Variants in TRIM38 observed in about 807,000 individuals in gnomAD.
TRIM38 encodes the protein E3 ubiquitin-protein ligase TRIM38.
TRIM38 carries 35 observed loss-of-function variants against 35.8 expected under a neutral mutation model. That is an observed-to-expected ratio of 0.98 (90% CI 0.75 to 1.30). The LOEUF (loss-of-function observed/expected upper bound fraction) is 1.30. Ranked by LOEUF, TRIM38 falls within the 50% of genes most tolerant of loss-of-function variation. The pLI, the probability that TRIM38 is intolerant of heterozygous loss-of-function variation, is 0.00. For missense variants in TRIM38, 545 were observed against 556.9 expected, an observed-to-expected ratio of 0.98 and a Z score of 0.21; for synonymous variants, 198 against 204.7, an observed-to-expected ratio of 0.97 and a Z score of 0.28.
At chr6:25,981,969 T>C (rs769405665) in intron 7 of TRIM38, among the ~76,000 whole-genome samples, 1 of 152,158 alleles carries the variant, frequency 6.6e-6, no homozygotes. Flanking sequence ...TATTACTACA[T>C]GTTGTTAGAA....
chr6:25,975,871 A>G (rs56294283), intron 7 of TRIM38, among the ~76,000 whole-genome samples: 14,850 of 152,272 alleles, frequency 0.098, 773 homozygotes, highest in African/African-American at 0.13. Context: ...ATAACTTTCT[A>G]GTCCATGCAT....
intron 3 of TRIM38, 66 bp downstream of exon 3, chr6:25,966,999 T>A (rs1760081010): frequency 1.4e-6 from 2 of 1,468,130 alleles, no homozygotes. Context: ...GGAGCTGAGA[T>A]GATTTAACTT....
chr6:25,966,434 C>G lies in TRIM38; in HGVS notation c.-89C>G. The stretch of plus-strand genomic sequence containing the variant: ...GCAGCCAGCTCATCACATAGAGGTG[C>G]AGGTGAGGTGTATTTTCATCACGGT... On this transcript the variant is annotated 5_prime_UTR_variant, in exon 3 of 8. Transcript: ENST00000357085. 7.4e-6 allele frequency: 10 copies of G among 1,354,576 alleles called. No individual in the cohort carries two copies. The highest frequency in any genetic ancestry group is 9.9e-6 in the Non-Finnish European group (10 of 1,012,498). The allele number at this position is 1,354,576 out of a possible 1,614,324, so 83.9% of individuals were successfully genotyped here.
At chr6:25,978,334 A>G (rs1428544153) in intron 7 of TRIM38, among the ~76,000 whole-genome samples, 1 of 151,122 alleles carries the variant, frequency 6.6e-6, no homozygotes, top group Non-Finnish European at 1.5e-5. Context: ...GCATCTCTAT[A>G]TGCTATAGAT....
In TRIM38 at chr6:25,975,085, T is replaced by G. The variant is rs969013383; in HGVS notation, c.874+1800T>G. 2,413 of 927,126 alleles carry G rather than the reference T, an allele frequency of 2.6e-3. 5 individuals are homozygous for G. The highest frequency in any genetic ancestry group is 2.9e-3 in the Non-Finnish European group (2,287 of 777,376). The allele number at this position is 927,126 out of a possible 1,614,324, so 57.4% of individuals were successfully genotyped here. A position where few individuals can be genotyped will look rare whatever the true frequency, so the allele number is the denominator to read the frequency against. The stretch of plus-strand genomic sequence containing the variant: ...TCTCGCTCTGTCGCCCAGGCTGGAG[T>G]GCAGTGGTGCGATCTCGGCTCACTG... On this transcript the variant is annotated intron_variant, in intron 7 of 7. Coordinates refer to ENST00000357085, the MANE Select transcript of TRIM38 (RefSeq NM_006355.5).
intron 4 of TRIM38, 148 bp from the exon 5 acceptor site, chr6:25,971,720 GC>G: frequency 1.5e-6 from 1 of 656,576 alleles, no homozygotes; most frequent in South Asian, 2.0e-5. Context: ...TACAATATTT[GC>G]CCTTTTGTTT....
chr6:25,980,077 CAGTT>C (rs1005743764), intron 7 of TRIM38, among the ~76,000 whole-genome samples: 5 of 152,138 alleles, frequency 3.3e-5, no homozygotes, highest in Admixed American at 6.6e-5. Flanking sequence ...AGTATTTACT[CAGTT>C]AGTGCATGTT....
Position 25,965,868 on chromosome 6 carries a change from C to T in TRIM38, c.-188-467C>T, listed in dbSNP as rs1441379507. Reference sequence around the variant, plus strand: ...CCCGGGAGGCGGAGGTGCAGTGAGCCGAGATAGCGTCACTGCACTCCAGCC... The same window carrying T: ...CCCGGGAGGCGGAGGTGCAGTGAGCTGAGATAGCGTCACTGCACTCCAGCC... On this transcript the variant is annotated intron_variant, in intron 2 of 7. Transcript: ENST00000357085. Among the ~76,000 whole-genome samples the T allele has an allele frequency of 4.6e-5, 7 of 150,692 alleles. No individual in the cohort carries two copies. The East Asian group carries it at 5.9e-4, about 13-fold the overall frequency.
At chr6:25,977,597 G>T (rs955563079) in intron 7 of TRIM38, among the ~76,000 whole-genome samples, 3 of 151,824 alleles carry the variant, frequency 2.0e-5, no homozygotes, top group African/African-American at 7.3e-5. Flanking sequence ...AACCCAGAAG[G>T]CAGAGGTTGC....
intron 7 of TRIM38, among the ~76,000 whole-genome samples, chr6:25,974,292 G>A (rs1340375253): frequency 1.3e-5 from 2 of 152,194 alleles, no homozygotes; most frequent in African/African-American, 4.8e-5. Flanking sequence ...GTTGGCTGGA[G>A]GTTGCCCACA....
In TRIM38 at chr6:25,966,783, G is replaced by T. The variant is rs756190343; in HGVS notation, c.261G>T (p.Thr87=). 2 of 1,614,158 alleles carry T rather than the reference G, an allele frequency of 1.2e-6. No individual in the cohort carries two copies. Among genetic ancestry groups the T allele is most frequent in the Admixed American group, 1.7e-5 (1 of 60,028 alleles). The change falls in exon 3 of 8, where the codon ACG becomes ACT. Residue 87 remains threonine (T), a synonymous_variant. Transcript: ENST00000357085. ...LGSLIEALKE[T]DQEMSCEEHG... is the part of the protein sequence containing the mutation. Reference sequence around the variant, plus strand: ...GCCTCATTGAAGCCCTCAAAGAGACGGATCAAGAAATGTCATGTGAGGAAC... The same window carrying T: ...GCCTCATTGAAGCCCTCAAAGAGACTGATCAAGAAATGTCATGTGAGGAAC...
chr6:25,971,777 C>T (rs1026753863), intron 4 of TRIM38, 92 bp from the exon 5 acceptor site: 13 of 1,068,516 alleles, frequency 1.2e-5, no homozygotes, highest in African/African-American at 1.6e-5. Flanking sequence ...CATGTAGTAG[C>T]GTGTGTCAGA....
chr6:25,970,730 T>C (rs1232115867), intron 4 of TRIM38, among the ~76,000 whole-genome samples: 1 of 152,188 alleles, frequency 6.6e-6, no homozygotes, highest in African/African-American at 2.4e-5. Flanking sequence ...AAACACTGTA[T>C]GAATTTATTT....
Position 25,986,593 on chromosome 6 carries a change from C to T in TRIM38, c.*2906C>T, listed in dbSNP as rs1760714565. ...AAGAAAAAAGAAGATGATTTTATGG[C>T]TGATTTTTTTTTTAAGGAAAAGCAA... On this transcript the variant is annotated 3_prime_UTR_variant, in exon 8 of 8. Coordinates refer to ENST00000357085, the MANE Select transcript of TRIM38 (RefSeq NM_006355.5). 1 of 150,562 alleles carries T rather than the reference C, an allele frequency of 6.6e-6. No individual in the cohort carries two copies. Among genetic ancestry groups the T allele is most frequent in the South Asian group, 2.1e-4 (1 of 4,758 alleles). 9.3% of individuals were successfully genotyped at this position (150,562 alleles called of 1,614,324 possible).
chr6:25,967,732 T>G (rs1223810261), intron 3 of TRIM38, among the ~76,000 whole-genome samples: 1 of 151,860 alleles, frequency 6.6e-6, no homozygotes, highest in Non-Finnish European at 1.5e-5. Flanking sequence ...AGACATGGTC[T>G]GCCTTTCTTG....
Position 25,989,980 on chromosome 6 carries a change from G to A in TRIM38, c.*6293G>A, listed in dbSNP as rs1020632907. On this transcript the variant is annotated 3_prime_UTR_variant, in exon 8 of 8. Transcript: ENST00000357085. ...AATTCACTATGTATTTGCAGAAAAT[G>A]GCTTTCAATATTGTCTACTTTATCA... The A allele has an allele frequency of 6.7e-6, 1 of 150,348 alleles. No homozygotes were observed. Among genetic ancestry groups the A allele is most frequent in the African/African-American group, 2.4e-5 (1 of 40,992 alleles). The allele number at this position is 150,348 out of a possible 1,614,324, so 9.3% of individuals were successfully genotyped here. A position where few individuals can be genotyped will look rare whatever the true frequency, so the allele number is the denominator to read the frequency against.
Position 25,983,215 on chromosome 6 carries a change from A to G in TRIM38, c.926A>G (p.Glu309Gly). 1 of 1,612,790 alleles carries G rather than the reference A, an allele frequency of 6.2e-7. No individual in the cohort carries two copies. The highest frequency in any genetic ancestry group is 1.3e-5 in the African/African-American group (1 of 75,010). The change falls in exon 8 of 8, where the codon GAG becomes GGG. Residue 309 changes from glutamate (E) to glycine (G), a missense_variant. Physicochemically the swap from Glu to Gly is moderately conservative, Grantham distance 98. Coordinates refer to ENST00000357085, the MANE Select transcript of TRIM38 (RefSeq NM_006355.5). ...DTAHHELILS[E>G]DRRQVTRGYT... ...GCTCATCACGAACTAATTCTCTCTG[A>G]GGATCGGAGACAAGTGACTCGTGGA... is the stretch of plus-strand genomic sequence containing the variant.
At chr6:25,964,880 G>C (rs1759971522) in intron 2 of TRIM38, among the ~76,000 whole-genome samples, 1 of 149,926 alleles carries the variant, frequency 6.7e-6, no homozygotes, top group Non-Finnish European at 1.5e-5. Flanking sequence ...GGTGTAATCT[G>C]GGCTCACTGC....
At chr6:25,981,831 G>C (rs1052138183) in intron 7 of TRIM38, among the ~76,000 whole-genome samples, 2 of 152,200 alleles carry the variant, frequency 1.3e-5, no homozygotes, top group African/African-American at 4.8e-5. Flanking sequence ...CTGCTCAACT[G>C]TCTCATGATT....
Sources: gnomAD v4.1 joint callset for allele counts (sites outside exome capture counted in the v4.1 genomes callset) on GRCh38, gnomAD v4.1.1 for gene constraint, MANE v1.5 for transcripts, NCBI Gene and HGNC (gene_info 2026-07-23, HGNC 2026-07-21) for gene names.